DLL3: variants seen among roughly 807,000 people sequenced by gnomAD.
DLL3 encodes delta like canonical Notch ligand 3, also known as delta-like protein 3.
DLL3 carries 49 observed loss-of-function variants against 55.0 expected under a neutral mutation model. The ratio of observed to expected loss-of-function variants is 0.89; its 90% CI spans 0.71 to 1.13. The LOEUF is 1.13. Among genes scored for constraint, DLL3 ranks in the 50% most tolerant of loss-of-function variants. The pLI is 0.00. For synonymous variants in DLL3, 421 were observed against 385.2 expected, an observed-to-expected ratio of 1.09 and a Z score of -1.09; for missense variants, 962 against 875.5, an observed-to-expected ratio of 1.10 and a Z score of -1.25.
intron 4 of DLL3, 32 bp from the exon 5 acceptor site, chr19:39,504,039 T>G: frequency 6.2e-7 from 1 of 1,609,758 alleles, no homozygotes. Flanking sequence ...ACGTTGGTGT[T>G]CCCTTTCTCT....
rs774107458 is a variant in DLL3 at position 39,502,861 on chromosome 19, G to A, written c.456G>A (p.Leu152=). The A allele has an allele frequency of 2.1e-6, 3 of 1,411,842 alleles. No individual in the cohort carries two copies. Among genetic ancestry groups the A allele is most frequent in the Non-Finnish European group, 1.8e-6 (2 of 1,087,622 alleles). 87.5% of individuals were successfully genotyped at this position (1,411,842 alleles called of 1,614,324 possible). ...LLARVAGRRR[L]AAGGPWARDI... is the part of the protein sequence containing the mutation. ...CGCGCGTGGCTGGCAGGCGGCGCTT[G>A]GCAGCCGGAGGCCCGTGGGCCCGGG... The change falls in exon 4 of 9, where the codon TTG becomes TTA. Residue 152 remains leucine (L), a synonymous_variant. Coordinates refer to ENST00000356433, the MANE Select transcript of DLL3 (RefSeq NM_203486.3).
In DLL3 at chr19:39,508,161, G is replaced by A. The variant is rs2079656226; in HGVS notation, c.1759-91G>A. 5 of 1,613,908 alleles carry A rather than the reference G, an allele frequency of 3.1e-6. No individual in the cohort carries two copies. The African/African-American group carries it at 4.0e-5, about 13-fold the overall frequency. On this transcript the variant is annotated intron_variant, in intron 8 of 8. Coordinates refer to ENST00000356433, the MANE Select transcript of DLL3 (RefSeq NM_203486.3). Reference sequence around the variant, plus strand: ...TTGAGGAGGTCACGATGCCGACTCCGCCAGAGCTTTTCCACTGATTGTACT... The same window carrying A: ...TTGAGGAGGTCACGATGCCGACTCCACCAGAGCTTTTCCACTGATTGTACT...
chr19:39,501,805 C>T (rs939559175), intron 3 of DLL3, among the ~76,000 whole-genome samples: 2 of 152,202 alleles, frequency 1.3e-5, no homozygotes, highest in African/African-American at 4.8e-5. Flanking sequence ...TATGACCTCA[C>T]TTCAGACATG....
Position 39,507,823 on chromosome 19 carries a change from C to T in DLL3, c.1674-7C>T. On this transcript the variant is annotated splice_polypyrimidine_tract_variant and splice_region_variant and intron_variant, in intron 7 of 8. Coordinates refer to ENST00000356433, the MANE Select transcript of DLL3 (RefSeq NM_203486.3). ...TCTGAGTTTTTCTTCTTTCTCTCCT[C>T]CCACAGCTCGTCCGTAGATTGGAAT... The T allele has an allele frequency of 6.2e-7, 1 of 1,614,118 alleles. No homozygotes were observed. Among genetic ancestry groups the T allele is most frequent in the Non-Finnish European group, 8.5e-7 (1 of 1,180,000 alleles).
At position 39,503,019 on chromosome 19, in the gene DLL3, GC is replaced by G. The variant is rs786200902; in HGVS notation, c.618del (p.Cys207AlafsTer34). 18 of 1,509,786 alleles carry G rather than the reference GC, an allele frequency of 1.2e-5. No individual in the cohort carries two copies. The highest frequency in any genetic ancestry group is 2.3e-4 in the Middle Eastern group (1 of 4,314). The allele number at this position is 1,509,786 out of a possible 1,614,324, so 93.5% of individuals were successfully genotyped here. A position where few individuals can be genotyped will look rare whatever the true frequency, so the allele number is the denominator to read the frequency against. On this transcript the variant is annotated frameshift_variant, in exon 4 of 9. Transcript: ENST00000356433. LOFTEE classifies it high-confidence loss of function. ...SAPSRCGPGL[R>X]PCAPLEDECE... is the part of the protein sequence containing the mutation. ...CCCTCGCGGTGCGGTCCGGGACTGC[GC>G]CCCTGCGCACCGCTCGAGGACGAAT... is the stretch of plus-strand genomic sequence containing the variant.
chr19:39,507,118 C>G lies in DLL3; in HGVS notation c.1173C>G (p.Asp391Glu), dbSNP rs779723472. The change falls in exon 7 of 9, where the codon GAC becomes GAG. Residue 391 changes from aspartate to glutamate, a missense_variant. Transcript: ENST00000356433. Reference sequence around the variant, plus strand: ...TCGCGGGTCCTCGCTGCGAGCACGACCTGGACGACTGCGCGGGCCGCGCCT... The same window carrying G: ...TCGCGGGTCCTCGCTGCGAGCACGAGCTGGACGACTGCGCGGGCCGCGCCT... ...AGFAGPRCEH[D>E]LDDCAGRACA... The G allele has an allele frequency of 2.6e-6, 4 of 1,535,794 alleles. No homozygotes were observed. The highest frequency in any genetic ancestry group is 3.5e-6 in the Non-Finnish European group (4 of 1,148,714).
chr19:39,500,430 C>T (rs553018171), intron 2 of DLL3, among the ~76,000 whole-genome samples, 185 bp from the exon 3 acceptor site: 2 of 144,876 alleles, frequency 1.4e-5, no homozygotes, highest in African/African-American at 2.6e-5. Context: ...TCCCCCCCCC[C>T]CCAAAAAAAA....
Position 39,507,176 on chromosome 19 carries a change from G to C in DLL3, c.1231G>C (p.Gly411Arg). 2.2e-6 allele frequency: 3 copies of C among 1,359,254 alleles called. No homozygotes were observed. The highest frequency in any genetic ancestry group is 2.8e-6 in the Non-Finnish European group (3 of 1,064,992). The allele number at this position is 1,359,254 out of a possible 1,614,324, so 84.2% of individuals were successfully genotyped here. A position where few individuals can be genotyped will look rare whatever the true frequency, so the allele number is the denominator to read the frequency against. Residue 411 changes from glycine (G) to arginine (R), a missense_variant, in exon 7 of 9, where the codon GGC becomes CGC. Gly to Arg is a moderately radical substitution (Grantham distance 125). Transcript: ENST00000356433. ...CGGCGGCACGTGTGTGGAGGGCGGC[G>C]GCGCGCACCGCTGCTCCTGCGCGCT... ...ANGGTCVEGGGAHRCSCALGF... is the reference protein window; with the variant it reads ...ANGGTCVEGGRAHRCSCALGF...
chr19:39,504,339 C>A lies in DLL3; in HGVS notation c.870+51C>A, dbSNP rs774319588. ...CCTGCTTAGTACTTTACCCTGGGAG[C>A]CACAGCCCTCTCCCTGGGGCTCCAT... On this transcript the variant is annotated intron_variant, in intron 5 of 8. Coordinates refer to ENST00000356433, the MANE Select transcript of DLL3 (RefSeq NM_203486.3). 34 of 1,585,912 alleles carry A rather than the reference C, an allele frequency of 2.1e-5. No individual in the cohort carries two copies. In the East Asian group the frequency reaches 7.4e-4, roughly 34 times the overall value.
chr19:39,503,444 C>G (rs2079622742), intron 4 of DLL3, among the ~76,000 whole-genome samples: 1 of 152,176 alleles, frequency 6.6e-6, no homozygotes, highest in African/African-American at 2.4e-5. Flanking sequence ...TGTCCTGATG[C>G]TAGGACTCCA....
rs1194569718 is a variant in DLL3 at position 39,507,261 on chromosome 19, C to T, written c.1316C>T (p.Ala439Val). Residue 439 changes from alanine to valine, a missense_variant, in exon 7 of 9, where the codon GCT (alanine) becomes GTT (valine). Ala to Val is a moderately conservative substitution (Grantham distance 64, BLOSUM62 0). Transcript: ENST00000356433. Reference sequence around the variant, plus strand: ...GACCCGTGCGCCGCGCGCCCCTGTGCTCACGGCGGCCGCTGCTACGCCCAC... The same window carrying T: ...GACCCGTGCGCCGCGCGCCCCTGTGTTCACGGCGGCCGCTGCTACGCCCAC... ...RADPCAARPC[A>V]HGGRCYAHFS... 1 of 1,529,146 alleles carries T rather than the reference C, an allele frequency of 6.5e-7. No individual in the cohort carries two copies. The highest frequency in any genetic ancestry group is 8.7e-7 in the Non-Finnish European group (1 of 1,144,342). 94.7% of individuals were successfully genotyped at this position (1,529,146 alleles called of 1,614,324 possible). A position where few individuals can be genotyped will look rare whatever the true frequency, so the allele number is the denominator to read the frequency against.
In DLL3 at chr19:39,507,312, C is replaced by A; in HGVS notation, c.1367C>A (p.Ala456Asp). ...AHFSGLVCACAPGYMGARCEF... is the reference protein window; with the variant it reads ...AHFSGLVCACDPGYMGARCEF... ...TTCTCCGGCCTCGTCTGCGCTTGCG[C>A]TCCCGGCTACATGGGAGCGCGGTGT... Residue 456 changes from alanine (A) to aspartate (D), a missense_variant, in exon 7 of 9, where the codon GCT becomes GAT. Ala to Asp is a moderately radical substitution (Grantham distance 126). Coordinates refer to ENST00000356433, the MANE Select transcript of DLL3 (RefSeq NM_203486.3). The A allele has an allele frequency of 6.4e-7, 1 of 1,560,836 alleles. No homozygotes were observed. Among genetic ancestry groups the A allele is most frequent in the Admixed American group, 1.8e-5 (1 of 54,622 alleles).
intron 7 of DLL3, 29 bp from the exon 8 acceptor site, chr19:39,507,801 G>T: frequency 6.2e-7 from 1 of 1,613,828 alleles, no homozygotes; most frequent in African/African-American, 1.3e-5. Flanking sequence ...TAAAGAGTCT[G>T]AGTTTTTCTT....
intron 4 of DLL3, 86 bp downstream of exon 4, chr19:39,503,143 A>G (rs1446208045): frequency 1.4e-6 from 2 of 1,394,796 alleles, no homozygotes; most frequent in Admixed American, 4.6e-5. Context: ...GTCCCCTCTC[A>G]CAACCCACTC....
intron 7 of DLL3, 31 bp downstream of exon 7, chr19:39,507,649 G>A (rs1477254116): frequency 2.5e-6 from 4 of 1,593,832 alleles, no homozygotes; most frequent in Middle Eastern, 3.3e-4. Context: ...CGAACGCCTT[G>A]CGCTGCTGGC....
chr19:39,507,352 C>A lies in DLL3; in HGVS notation c.1407C>A (p.His469Gln). 1.3e-6 allele frequency: 2 copies of A among 1,571,298 alleles called. No homozygotes were observed. The highest frequency in any genetic ancestry group is 1.1e-5 in the South Asian group (1 of 87,236). ...GAGCGCGGTGTGAGTTCCCAGTGCACCCCGACGGCGCAAGCGCCTTGCCCG... is the reference window on the plus strand; with the variant it reads ...GAGCGCGGTGTGAGTTCCCAGTGCAACCCGACGGCGCAAGCGCCTTGCCCG... Reference protein sequence around the residue: ...YMGARCEFPVHPDGASALPAA... With the variant: ...YMGARCEFPVQPDGASALPAA... Residue 469 changes from histidine to glutamine, a missense_variant, in exon 7 of 9, where the codon CAC (histidine) becomes CAA (glutamine). Physicochemically the swap from His to Gln is conservative, Grantham distance 24. Coordinates refer to ENST00000356433, the MANE Select transcript of DLL3 (RefSeq NM_203486.3).
At chr19:39,508,218 CCT>C (rs2144765973) in intron 8 of DLL3, 32 bp from the exon 9 acceptor site, 1 of 1,614,016 alleles carries the variant, frequency 6.2e-7, no homozygotes, top group East Asian at 2.2e-5. Flanking sequence ...AGAGGGGCAG[CCT>C]CTCTAATGCT....
intron 6 of DLL3, among the ~76,000 whole-genome samples, chr19:39,505,842 C>A (rs2079637388): frequency 6.6e-6 from 1 of 152,126 alleles, no homozygotes; most frequent in Non-Finnish European, 1.5e-5. Context: ...AGAAGGGGAA[C>A]TTTCACTTTT....
Position 39,500,618 on chromosome 19 carries a change from AC to A in DLL3, c.357del (p.Phe120SerfsTer12). ...CCCCCTTCCTTCACCCAACCAGGGC[AC>A]CTTCTCTTTCATCATCGAAACCTGG... The part of the protein sequence containing the change: ...QVPFRDAWPG[T>X]FSFIIETWRE... On this transcript the variant is annotated frameshift_variant, in exon 3 of 9. Coordinates refer to ENST00000356433, the MANE Select transcript of DLL3 (RefSeq NM_203486.3). LOFTEE classifies it high-confidence loss of function. 1 of 1,613,214 alleles carries A rather than the reference AC, an allele frequency of 6.2e-7. No individual in the cohort carries two copies. Among genetic ancestry groups the A allele is most frequent in the Non-Finnish European group, 8.5e-7 (1 of 1,179,404 alleles).
Sources: allele counts gnomAD v4.1 joint callset (sites outside exome capture counted in the v4.1 genomes callset), GRCh38; gene constraint gnomAD v4.1.1; transcripts MANE v1.5; gene names NCBI Gene and HGNC (gene_info 2026-07-23, HGNC 2026-07-21).